ZNF503: variants seen among roughly 807,000 people sequenced by gnomAD.
ZNF503 encodes the protein NocA-like zinc finger 2.
Under a neutral mutation model 34.4 loss-of-function variants are expected in ZNF503, and 15 were observed. That is an observed-to-expected ratio of 0.44 (90% CI 0.29 to 0.67). The LOEUF is 0.67. ZNF503 is among the 30% of genes least tolerant of loss of function. The pLI, the probability that ZNF503 is intolerant of heterozygous loss-of-function variation, is 0.13. For missense variants in ZNF503, 1,007 were observed against 926.8 expected, an observed-to-expected ratio of 1.09 and a Z score of -1.12; for synonymous variants, 580 against 456.8, an observed-to-expected ratio of 1.27 and a Z score of -3.44.
the ZNF503 span, among the ~76,000 whole-genome samples, chr10:75,306,892 C>T: frequency 6.6e-6 from 1 of 152,166 alleles, no homozygotes; most frequent in Non-Finnish European, 1.5e-5. Context: ...TGTGTGCATT[C>T]TGACTGCCCC....
the ZNF503 span, among the ~76,000 whole-genome samples, chr10:75,312,464 A>T: frequency 2.0e-5 from 3 of 152,230 alleles, no homozygotes; most frequent in African/African-American, 7.2e-5. Context: ...AAAAATGAGC[A>T]GAGCTTCAGG....
the ZNF503 span, among the ~76,000 whole-genome samples, chr10:75,306,554 T>C: frequency 6.6e-6 from 1 of 152,230 alleles, no homozygotes; most frequent in Non-Finnish European, 1.5e-5. Context: ...ATTTTCATGA[T>C]GTTGAATTTG....
the ZNF503 span, among the ~76,000 whole-genome samples, chr10:75,383,479 C>T: frequency 1.3e-5 from 2 of 152,192 alleles, no homozygotes; most frequent in African/African-American, 4.8e-5. Flanking sequence ...CCCACCAGAA[C>T]ATGTCTTGGT....
the ZNF503 span, among the ~76,000 whole-genome samples, chr10:75,319,904 T>C: frequency 6.6e-6 from 1 of 152,216 alleles, no homozygotes; most frequent in African/African-American, 2.4e-5. Context: ...AGGAATTAAT[T>C]TGAAGTCTTA....
the ZNF503 span, among the ~76,000 whole-genome samples, chr10:75,291,510 G>C: frequency 2.0e-5 from 3 of 152,134 alleles, no homozygotes; most frequent in Non-Finnish European, 4.4e-5. Flanking sequence ...TACTTGGGAG[G>C]CTGAGGGGGA....
the ZNF503 span, among the ~76,000 whole-genome samples, chr10:75,351,011 GTCA>G: frequency 6.6e-6 from 1 of 152,164 alleles, no homozygotes; most frequent in Non-Finnish European, 1.5e-5. Flanking sequence ...CCACAGATGA[GTCA>G]TCTACATCCT....
At chr10:75,354,197 C>T in the ZNF503 span, among the ~76,000 whole-genome samples, 1 of 152,348 alleles carries the variant, frequency 6.6e-6, no homozygotes, top group Non-Finnish European at 1.5e-5. Context: ...GGCAAAACCA[C>T]TACCTCCATG....
the ZNF503 span, among the ~76,000 whole-genome samples, chr10:75,324,783 C>T: frequency 1.3e-5 from 2 of 152,144 alleles, no homozygotes; most frequent in Non-Finnish European, 2.9e-5. Flanking sequence ...AATTCTAGGG[C>T]ATTTTATTCC....
chr10:75,283,044 T>C, the ZNF503 span, among the ~76,000 whole-genome samples: 2 of 152,230 alleles, frequency 1.3e-5, no homozygotes, highest in Non-Finnish European at 2.9e-5. Flanking sequence ...AAATATAATT[T>C]GATAGTTCTA....
At chr10:75,318,365 A>C in the ZNF503 span, among the ~76,000 whole-genome samples, 1,863 of 152,182 alleles carry the variant, frequency 0.012, 28 homozygotes, top group African/African-American at 0.041. Flanking sequence ...AGTCAAGACA[A>C]TTGCTGATGA....
chr10:75,396,846 C>A (rs745708872), downstream of ZNF503, among the ~76,000 whole-genome samples: 1 of 152,104 alleles, frequency 6.6e-6, no homozygotes. This position sits in a 1 kb window ranked among gnomAD's most constrained non-coding sequence, Gnocchi z 4.4. Context: ...CCCCCTCCCC[C>A]CAAAAGGGAC....
At chr10:75,306,248 G>A in the ZNF503 span, among the ~76,000 whole-genome samples, 2 of 152,054 alleles carry the variant, frequency 1.3e-5, no homozygotes, top group Non-Finnish European at 2.9e-5. Context: ...TGGGTGTGAG[G>A]GTAGTATCTC....
chr10:75,287,185 C>T, the ZNF503 span, among the ~76,000 whole-genome samples: 1 of 152,140 alleles, frequency 6.6e-6, no homozygotes, highest in African/African-American at 2.4e-5. Context: ...TCCTGGTCCT[C>T]TCCTTGTGCT....
chr10:75,391,138 A>T, the ZNF503 span, among the ~76,000 whole-genome samples: 1 of 152,182 alleles, frequency 6.6e-6, no homozygotes, highest in African/African-American at 2.4e-5. Flanking sequence ...TGGGGGACAC[A>T]CTTCAGTCCA....
chr10:75,344,753 T>C, the ZNF503 span, among the ~76,000 whole-genome samples: 4 of 152,220 alleles, frequency 2.6e-5, no homozygotes, highest in East Asian at 1.9e-4. Context: ...ATTTCTAATA[T>C]AGAGGAAATT....
At chr10:75,332,141 C>T in the ZNF503 span, among the ~76,000 whole-genome samples, 7 of 151,986 alleles carry the variant, frequency 4.6e-5, no homozygotes, top group Non-Finnish European at 8.8e-5. Flanking sequence ...ATTTATTCTA[C>T]TTGGATGTCT....
At chr10:75,318,389 G>A in the ZNF503 span, among the ~76,000 whole-genome samples, 1 of 152,224 alleles carries the variant, frequency 6.6e-6, no homozygotes, top group East Asian at 1.9e-4. Context: ...AAAAGTAAGA[G>A]GCCAGGCATG....
At chr10:75,294,381 C>A in the ZNF503 span, among the ~76,000 whole-genome samples, 2 of 152,322 alleles carry the variant, frequency 1.3e-5, no homozygotes, top group Non-Finnish European at 2.9e-5. Context: ...AAGAAGAGGG[C>A]GGACGGGGTT....
chr10:75,364,211 T>C, the ZNF503 span, among the ~76,000 whole-genome samples: 1 of 152,270 alleles, frequency 6.6e-6, no homozygotes, highest in East Asian at 1.9e-4. Flanking sequence ...ACAAACTTGG[T>C]AATAAAAGAA....
Sources: allele counts gnomAD v4.1 joint callset (sites outside exome capture counted in the v4.1 genomes callset), GRCh38; gene constraint gnomAD v4.1.1; non-coding constraint Gnocchi (gnomAD v3.1); transcripts MANE v1.5; gene names NCBI Gene and HGNC (gene_info 2026-07-23, HGNC 2026-07-21).